Variants in FRMD4A observed in about 807,000 individuals in gnomAD.
The protein encoded by FRMD4A is FERM domain-containing protein 4A.
A neutral mutation model predicts 129.1 loss-of-function variants in FRMD4A; 29 were observed. The ratio of observed to expected loss-of-function variants is 0.22; its 90% CI spans 0.17 to 0.31. FRMD4A has a LOEUF of 0.31. FRMD4A is among the 10% of genes least tolerant of loss of function. The pLI is 1.00. For synonymous variants in FRMD4A, 634 were observed against 571.6 expected (o/e 1.11, Z -1.56); for missense variants, 1,272 against 1,375.8 (o/e 0.92, Z 1.19).
chr10:14,160,922 A>G (rs928377814), intron 2 of FRMD4A, among the ~76,000 whole-genome samples: 2 of 152,204 alleles, frequency 1.3e-5, no homozygotes, highest in African/African-American at 4.8e-5. Context: ...AGGAACGTAG[A>G]TTAGTACAGC....
At chr10:14,229,523 G>A (rs1843564033) in intron 2 of FRMD4A, among the ~76,000 whole-genome samples, 1 of 151,908 alleles carries the variant, frequency 6.6e-6, no homozygotes, top group Non-Finnish European at 1.5e-5. Flanking sequence ...CTGCAGCCTC[G>A]ACCTCCCATG....
Position 13,656,645 on chromosome 10 carries a change from C to G in FRMD4A, c.2944G>C (p.Ala982Pro). Residue 982 changes from alanine (A) to proline (P), a missense_variant, in exon 22 of 25, where the codon GCC becomes CCC. Transcript: ENST00000357447. ...GGCCGCCCCCTCTCACCTGACGTGG[C>G]CTTGCACATCTGGGGCATCCTGGTG... ...RVTRMPQMCKATSAALPQSQR... is the reference protein window; with the variant it reads ...RVTRMPQMCKPTSAALPQSQR... The G allele has an allele frequency of 6.9e-7, 1 of 1,454,072 alleles. No individual in the cohort carries two copies. The highest frequency in any genetic ancestry group is 2.5e-4 in the Middle Eastern group (1 of 3,934). 90.1% of individuals were successfully genotyped at this position (1,454,072 alleles called of 1,614,324 possible). A position where few individuals can be genotyped will look rare whatever the true frequency, so the allele number is the denominator to read the frequency against.
intron 2 of FRMD4A, among the ~76,000 whole-genome samples, chr10:14,000,116 A>G (rs1485951002): frequency 6.6e-6 from 1 of 152,214 alleles, no homozygotes; most frequent in Non-Finnish European, 1.5e-5. Flanking sequence ...AAATCCGTAG[A>G]TGTGGTTCAT....
intron 2 of FRMD4A, among the ~76,000 whole-genome samples, chr10:14,307,490 C>G (rs894598761): frequency 1.3e-5 from 2 of 152,344 alleles, no homozygotes; most frequent in African/African-American, 4.8e-5. Context: ...TCTGTTTATT[C>G]TCTTTTTAAT....
chr10:13,956,267 C>T (rs753617072), intron 2 of FRMD4A, among the ~76,000 whole-genome samples: 4 of 152,302 alleles, frequency 2.6e-5, no homozygotes, highest in Admixed American at 2.0e-4. Flanking sequence ...ATTCTCGTGC[C>T]TCCGCCTCCT....
At chr10:14,042,693 T>C (rs1216057731) in intron 2 of FRMD4A, among the ~76,000 whole-genome samples, 1 of 152,010 alleles carries the variant, frequency 6.6e-6, no homozygotes, top group Admixed American at 6.6e-5. Context: ...GCCGGCGCAG[T>C]GGCTCATGCC....
chr10:13,957,104 G>C (rs951442086), intron 2 of FRMD4A, among the ~76,000 whole-genome samples: 1 of 152,202 alleles, frequency 6.6e-6, no homozygotes, highest in African/African-American at 2.4e-5. Flanking sequence ...TGAAGAACAA[G>C]ATCAGCCCGC....
rs571991689 is a variant in FRMD4A, at chr10:14,107,098, A to C, written c.45+222960T>G. Among the ~76,000 whole-genome samples the C allele has an allele frequency of 5.3e-5, 8 of 152,324 alleles. No individual in the cohort carries two copies. The East Asian group carries it at 1.5e-3, about 29-fold the overall frequency. ...ATTATCTTGAGCAAATTAACGCAGG[A>C]ACAGAAAACCAAATATTGCATGTTC... On this transcript the variant is annotated intron_variant, in intron 2 of 24. Transcript: ENST00000357447.
chr10:14,207,066 A>T (rs1842804456), intron 2 of FRMD4A, among the ~76,000 whole-genome samples: 1 of 152,034 alleles, frequency 6.6e-6, no homozygotes, highest in African/African-American at 2.4e-5. Flanking sequence ...AATTCTCCCA[A>T]GCTGAAGAGA....
intron 2 of FRMD4A, among the ~76,000 whole-genome samples, chr10:14,129,491 C>A (rs374134049): frequency 2.5e-4 from 37 of 147,944 alleles, no homozygotes; most frequent in African/African-American, 9.2e-4. Context: ...GGGTCAATAC[C>A]AGGGTAGCAC....
intron 24 of FRMD4A, 28 bp from the exon 25 acceptor site, chr10:13,647,063 G>A (rs2081163847): frequency 3.2e-6 from 2 of 616,424 alleles, no homozygotes; most frequent in Non-Finnish European, 4.0e-6. Context: ...AAGGAGATGA[G>A]ACAGTTAGTT....
At chr10:14,302,250 T>A (rs1846209571) in intron 2 of FRMD4A, among the ~76,000 whole-genome samples, 1 of 152,156 alleles carries the variant, frequency 6.6e-6, no homozygotes, top group Non-Finnish European at 1.5e-5. Context: ...TAGAGGCTGA[T>A]CTAGTTGGTT....
At chr10:14,281,053 C>T (rs968094266) in intron 2 of FRMD4A, among the ~76,000 whole-genome samples, 9 of 123,126 alleles carry the variant, frequency 7.3e-5, no homozygotes, top group Admixed American at 3.2e-4. Context: ...AGTGCAATGG[C>T]GTGATCTTGG....
chr10:14,253,128 G>A (rs1044788339), intron 2 of FRMD4A, among the ~76,000 whole-genome samples: 1 of 152,132 alleles, frequency 6.6e-6, no homozygotes, highest in Non-Finnish European at 1.5e-5. Context: ...AAAAGACACA[G>A]GTATATTTTC....
chr10:14,091,010 A>G (rs1357115730), intron 2 of FRMD4A, among the ~76,000 whole-genome samples: 1 of 152,068 alleles, frequency 6.6e-6, no homozygotes, highest in Non-Finnish European at 1.5e-5. Flanking sequence ...AATATTACCT[A>G]GTCACTATCC....
intron 2 of FRMD4A, among the ~76,000 whole-genome samples, chr10:14,274,736 G>C (rs1845280945): frequency 6.6e-6 from 1 of 152,122 alleles, no homozygotes; most frequent in South Asian, 2.1e-4. Flanking sequence ...TTAATGTATT[G>C]CTCAGCCAGG....
intron 24 of FRMD4A, chr10:13,649,675 A>T (rs1044364282): frequency 6.6e-6 from 1 of 152,226 alleles, no homozygotes; most frequent in Non-Finnish European, 1.5e-5. Context: ...ATGTTGCTTC[A>T]TGTATTGGTC....
intron 2 of FRMD4A, among the ~76,000 whole-genome samples, chr10:13,883,355 A>G (rs941661448): frequency 3.9e-5 from 6 of 152,004 alleles, no homozygotes; most frequent in African/African-American, 1.2e-4. Flanking sequence ...AGCTGGGTGT[A>G]GTGGTGCGTG....
chr10:14,259,929 A>G (rs764585107), intron 2 of FRMD4A, among the ~76,000 whole-genome samples: 3 of 151,958 alleles, frequency 2.0e-5, no homozygotes, highest in Non-Finnish European at 2.9e-5. Context: ...GACTGTTGTC[A>G]GGGATGTTAA....
Sources: gnomAD v4.1 joint callset for allele counts (sites outside exome capture counted in the v4.1 genomes callset) on GRCh38, gnomAD v4.1.1 for gene constraint, MANE v1.5 for transcripts, NCBI Gene and HGNC (gene_info 2026-07-23, HGNC 2026-07-21) for gene names.